Variants in MDGA2 observed in about 807,000 individuals in gnomAD.
The protein encoded by MDGA2 is MAM domain-containing glycosylphosphatidylinositol anchor protein 2.
MDGA2 carries 40 observed loss-of-function variants against 117.8 expected under a neutral mutation model. The observed-to-expected ratio is 0.34, with a 90% CI of 0.26 to 0.44. The LOEUF (loss-of-function observed/expected upper bound fraction) is 0.44. Ranked by LOEUF, MDGA2 falls within the 20% of genes least tolerant of loss-of-function variation. The pLI is 1.00. For missense variants in MDGA2, 1,123 were observed against 1,250.6 expected, an observed-to-expected ratio of 0.90 and a Z score of 1.54; for synonymous variants, 452 against 439.0, an observed-to-expected ratio of 1.03 and a Z score of -0.37.
At chr14:47,335,284 TAAAA>T (rs35051327) in intron 1 of MDGA2, among the ~76,000 whole-genome samples, 3 of 107,850 alleles carry the variant, frequency 2.8e-5, no homozygotes, top group Non-Finnish European at 3.7e-5. Flanking sequence ...AAGTATATGG[TAAAA>T]AAAAAAAAAA....
At chr14:47,338,887 G>A (rs890487639) in intron 1 of MDGA2, among the ~76,000 whole-genome samples, 21 of 152,202 alleles carry the variant, frequency 1.4e-4, no homozygotes, top group Admixed American at 1.2e-3. Context: ...TTAAGGATAC[G>A]TAGTGTTGTT....
intron 2 of MDGA2, among the ~76,000 whole-genome samples, chr14:47,278,381 T>G (rs902701252): frequency 7.6e-5 from 11 of 144,882 alleles, no homozygotes; most frequent in Admixed American, 5.4e-4. Context: ...ATCAGGGTCA[T>G]GAAGCCAGAA....
At chr14:47,210,233 G>A (rs1885832528) in intron 3 of MDGA2, among the ~76,000 whole-genome samples, 1 of 152,126 alleles carries the variant, frequency 6.6e-6, no homozygotes, top group African/African-American at 2.4e-5. Context: ...ATCTACCTAA[G>A]TGACATGAAA....
chr14:47,176,086 C>G (rs1297815327), intron 3 of MDGA2, among the ~76,000 whole-genome samples: 1 of 152,116 alleles, frequency 6.6e-6, no homozygotes, highest in Admixed American at 6.5e-5. Context: ...AGGAATCCAA[C>G]TTATAAGGGA....
At chr14:47,664,547 T>C (rs1341132682) in intron 1 of MDGA2, among the ~76,000 whole-genome samples, 1 of 152,192 alleles carries the variant, frequency 6.6e-6, no homozygotes, top group Non-Finnish European at 1.5e-5. Context: ...AACTGAGGGA[T>C]AGAGATCAAG....
intron 1 of MDGA2, among the ~76,000 whole-genome samples, chr14:47,491,909 A>AGT (rs1894177772): frequency 6.6e-6 from 1 of 152,128 alleles, no homozygotes; most frequent in African/African-American, 2.4e-5. Context: ...GTGTTGGGGT[A>AGT]GTGTTTTCAT....
chr14:46,872,925 T>C (rs1418062429), intron 14 of MDGA2, among the ~76,000 whole-genome samples: 1 of 151,906 alleles, frequency 6.6e-6, no homozygotes, highest in Non-Finnish European at 1.5e-5. Context: ...GTCTTTATCT[T>C]TGTATGCTGT....
At chr14:47,036,293 AGAATT>A (rs1406089816) in intron 7 of MDGA2, among the ~76,000 whole-genome samples, 1 of 147,358 alleles carries the variant, frequency 6.8e-6, no homozygotes, top group African/African-American at 2.5e-5. Flanking sequence ...AAAAAAAAAA[AGAATT>A]ATAATTTTTC....
intron 5 of MDGA2, among the ~76,000 whole-genome samples, chr14:47,121,697 A>G (rs540930783): frequency 6.6e-6 from 1 of 152,084 alleles, no homozygotes; most frequent in Non-Finnish European, 1.5e-5. Flanking sequence ...TCTTCACAAT[A>G]TCTGTAGTGA....
intron 6 of MDGA2, among the ~76,000 whole-genome samples, chr14:47,089,439 G>A (rs925644813): frequency 6.6e-5 from 10 of 151,928 alleles, no homozygotes; most frequent in African/African-American, 2.4e-4. Flanking sequence ...GCAGTAGGGT[G>A]ATCTCAGCTC....
intron 1 of MDGA2, among the ~76,000 whole-genome samples, chr14:47,654,756 T>G (rs191599983): frequency 3.9e-5 from 6 of 151,968 alleles, no homozygotes; most frequent in East Asian, 3.9e-4. Context: ...AACCCAGCAA[T>G]GAAGGTGCTT....
intron 3 of MDGA2, among the ~76,000 whole-genome samples, chr14:47,203,595 G>T (rs563381104): frequency 8.5e-4 from 129 of 151,998 alleles, no homozygotes; most frequent in African/African-American, 2.9e-3. Flanking sequence ...GAAAACAAAT[G>T]GCACCATGCT....
chr14:47,296,959 AG>A (rs1232757727), intron 2 of MDGA2, among the ~76,000 whole-genome samples: 2 of 152,190 alleles, frequency 1.3e-5, no homozygotes, highest in Non-Finnish European at 2.9e-5. Flanking sequence ...AGTGGACATC[AG>A]ATTCACTTGG....
At chr14:47,464,984 A>AT (rs1223161488) in intron 1 of MDGA2, among the ~76,000 whole-genome samples, 1 of 152,124 alleles carries the variant, frequency 6.6e-6, no homozygotes, top group Non-Finnish European at 1.5e-5. Context: ...AAACAGCATG[A>AT]TACTGGTACA....
intron 1 of MDGA2, among the ~76,000 whole-genome samples, chr14:47,575,265 G>A (rs1454315323): frequency 6.6e-6 from 1 of 152,152 alleles, no homozygotes; most frequent in Non-Finnish European, 1.5e-5. Context: ...CAGTACTACA[G>A]TGAAGAGTAA....
At chr14:47,603,615 G>GTCTC (rs368745435) in intron 1 of MDGA2, among the ~76,000 whole-genome samples, 3 of 149,958 alleles carry the variant, frequency 2.0e-5, no homozygotes, top group African/African-American at 7.3e-5. Flanking sequence ...ATCCCTCATA[G>GTCTC]TCTCTCTCTC....
chr14:47,084,947 T>C (rs1890844000), intron 6 of MDGA2, among the ~76,000 whole-genome samples: 2 of 152,008 alleles, frequency 1.3e-5, no homozygotes, highest in African/African-American at 4.8e-5. Context: ...AACTAAGACA[T>C]TCAGAATCTA....
At chr14:47,009,107 CGATA>C (rs1391821008) in intron 8 of MDGA2, among the ~76,000 whole-genome samples, 11 of 151,918 alleles carry the variant, frequency 7.2e-5, no homozygotes, top group East Asian at 1.9e-4. Flanking sequence ...AGCACTCATT[CGATA>C]GATAAATAAA....
At chr14:47,195,280 TCTTTC>T in intron 3 of MDGA2, among the ~76,000 whole-genome samples, 1 of 152,060 alleles carries the variant, frequency 6.6e-6, no homozygotes, top group East Asian at 1.9e-4. Flanking sequence ...AAAAGCATCC[TCTTTC>T]AACAAAATTA....
Sources: gnomAD v4.1 joint callset for allele counts (sites outside exome capture counted in the v4.1 genomes callset) on GRCh38, gnomAD v4.1.1 for gene constraint, MANE v1.5 for transcripts, NCBI Gene and HGNC (gene_info 2026-07-23, HGNC 2026-07-21) for gene names.